Variants in CHRM5 observed in about 807,000 individuals in gnomAD.
The protein encoded by CHRM5 is cholinergic receptor muscarinic 5.
In CHRM5, 18 loss-of-function variants were observed where a neutral mutation model predicts 39.0. The ratio of observed to expected loss-of-function variants is 0.46; its 90% confidence interval spans 0.32 to 0.68. The LOEUF is 0.68. Ranked by LOEUF, CHRM5 falls within the 30% of genes least tolerant of loss-of-function variation. The pLI is 0.04. For missense variants in CHRM5, 515 were observed against 651.1 expected (o/e 0.79, Z 2.28); for synonymous variants, 241 against 246.3 (o/e 0.98, Z 0.20).
intron 1 of CHRM5, chr15:34,038,691 C>T: frequency 9.3e-7 from 1 of 1,079,288 alleles, no homozygotes; most frequent in East Asian, 5.2e-5. Flanking sequence ...GCGCGCCTGG[C>T]ACGCTCTCTT....
rs995422520 is a variant in CHRM5, at chr15:34,028,933, A to T, written c.-407-17607A>T. ...AATTGGGAGAGAAAGTAAGGCAAAA[A>T]GCAGAACACTTACTTGGTTTTGAGA... On this transcript the variant is annotated intron_variant, in intron 1 of 2. Transcript: ENST00000383263. Among the ~76,000 whole-genome samples the T allele has an allele frequency of 8.5e-5, 13 of 152,316 alleles. No homozygotes were observed. In the East Asian group the frequency reaches 2.1e-3, roughly 25 times the overall value.
chr15:34,005,668 C>G (rs989683245), intron 1 of CHRM5, among the ~76,000 whole-genome samples: 3 of 152,156 alleles, frequency 2.0e-5, no homozygotes, highest in East Asian at 1.9e-4. Context: ...CCTCTTTCAT[C>G]GAGGAAATTG....
chr15:34,047,101 G>A (rs1899726947), intron 2 of CHRM5, among the ~76,000 whole-genome samples: 3 of 150,018 alleles, frequency 2.0e-5, no homozygotes, highest in African/African-American at 7.4e-5. Context: ...TTTTGGAGAC[G>A]GAGTCTCGTT....
intron 2 of CHRM5, among the ~76,000 whole-genome samples, chr15:34,051,152 G>A (rs2140826370): frequency 6.6e-6 from 1 of 152,268 alleles, no homozygotes; most frequent in East Asian, 1.9e-4. Flanking sequence ...TAGTCTGTCA[G>A]ACCACAGCGC....
chr15:34,037,759 T>C (rs62017050), intron 1 of CHRM5, among the ~76,000 whole-genome samples: 11 of 152,180 alleles, frequency 7.2e-5, no homozygotes, highest in Admixed American at 2.0e-4. Context: ...ATTTAAGTTT[T>C]ATACTTTTTT....
intron 1 of CHRM5, among the ~76,000 whole-genome samples, chr15:34,018,681 G>A (rs1374280113): frequency 6.6e-6 from 1 of 152,202 alleles, no homozygotes; most frequent in Non-Finnish European, 1.5e-5. Context: ...GACTCCAGTG[G>A]GTTGCTGCTG....
intron 2 of CHRM5, among the ~76,000 whole-genome samples, chr15:34,047,649 T>C (rs1254859094): frequency 6.6e-6 from 1 of 152,196 alleles, no homozygotes; most frequent in African/African-American, 2.4e-5. Context: ...CCATTCTAGC[T>C]TGCGGCTTTG....
chr15:34,057,022 C>T (rs1179461110), intron 2 of CHRM5, among the ~76,000 whole-genome samples: 1 of 152,062 alleles, frequency 6.6e-6, no homozygotes, highest in Non-Finnish European at 1.5e-5. Flanking sequence ...GTTAGCACCA[C>T]AAAGCATCTA....
At chr15:34,037,135 T>G (rs1311048143) in intron 1 of CHRM5, among the ~76,000 whole-genome samples, 1 of 151,210 alleles carries the variant, frequency 6.6e-6, no homozygotes, top group African/African-American at 2.4e-5. Context: ...ATATATACCA[T>G]CATTTCACCC....
chr15:33,975,383 A>C (rs1018808591), intron 1 of CHRM5, among the ~76,000 whole-genome samples: 2 of 152,234 alleles, frequency 1.3e-5, no homozygotes, highest in Non-Finnish European at 2.9e-5. Context: ...CTACTTAGCT[A>C]TGCGGAATGC....
At position 34,047,226 on chromosome 15, in the gene CHRM5, C is replaced by T. The variant is rs1413021504; in HGVS notation, c.-76+355C>T. Reference sequence around the variant, plus strand: ...CCGAGTAGCTGGGACTACAGGCGCCCGCCACCATGCCCTGCTAACTTTTTG... The same window carrying T: ...CCGAGTAGCTGGGACTACAGGCGCCTGCCACCATGCCCTGCTAACTTTTTG... On this transcript the variant is annotated intron_variant, in intron 2 of 2. Transcript: ENST00000383263. Among the ~76,000 whole-genome samples, 6 of 152,124 alleles carry T rather than the reference C, an allele frequency of 3.9e-5. No homozygotes were observed. In the East Asian group the frequency reaches 9.7e-4, roughly 25 times the overall value.
intron 1 of CHRM5, among the ~76,000 whole-genome samples, chr15:33,974,154 C>T (rs1306215449): frequency 6.6e-5 from 10 of 152,130 alleles, no homozygotes; most frequent in Admixed American, 5.9e-4. Flanking sequence ...TCTAGAATTT[C>T]ATCGATAATC....
chr15:33,969,378 ATCTTTG>A (rs1895528823), intron 1 of CHRM5, among the ~76,000 whole-genome samples: 1 of 151,974 alleles, frequency 6.6e-6, no homozygotes, highest in African/African-American at 2.4e-5. Flanking sequence ...AATTTGTCTC[ATCTTTG>A]TCTTTATTTT....
In CHRM5 at chr15:33,992,384, C is replaced by A. The variant is rs567448377; in HGVS notation, c.-408+23234C>A. Reference sequence around the variant, plus strand: ...CAGCCTGCGCGACAGATCAGGACTCCGTCTCAAAAAAAAAGAAAAAAGAAA... The same window carrying A: ...CAGCCTGCGCGACAGATCAGGACTCAGTCTCAAAAAAAAAGAAAAAAGAAA... On this transcript the variant is annotated intron_variant, in intron 1 of 2. Transcript: ENST00000383263. 8.0e-4 allele frequency among the ~76,000 whole-genome samples: 119 copies of A among 148,666 alleles called. 1 individual carries two copies. Among genetic ancestry groups the A allele is most frequent in the African/African-American group, 2.7e-3 (108 of 40,208 alleles).
chr15:34,053,319 A>AAAATATATATATATAT (rs775436850), intron 2 of CHRM5, among the ~76,000 whole-genome samples: 5 of 42,100 alleles, frequency 1.2e-4, no homozygotes, highest in African/African-American at 4.0e-4. Flanking sequence ...AAAAAAAAAA[A>AAAATATATATATATAT]ATATATATAT....
intron 1 of CHRM5, among the ~76,000 whole-genome samples, chr15:34,039,330 C>T (rs989015438): frequency 6.6e-6 from 1 of 151,106 alleles, no homozygotes; most frequent in South Asian, 2.1e-4. Flanking sequence ...ATTCTCAAGG[C>T]ATCAGAGATA....
At chr15:33,984,935 C>A (rs1416878120) in intron 1 of CHRM5, among the ~76,000 whole-genome samples, 1 of 152,092 alleles carries the variant, frequency 6.6e-6, no homozygotes, top group Non-Finnish European at 1.5e-5. Flanking sequence ...GATCTACCCT[C>A]AAGAGATGAA....
chr15:33,972,176 G>A (rs1164092985), intron 1 of CHRM5: 2 of 151,968 alleles, frequency 1.3e-5, no homozygotes, highest in African/African-American at 2.4e-5. Context: ...ACATCATGTT[G>A]GTTAAATTCA....
At chr15:34,006,685 A>G (rs1897359235) in intron 1 of CHRM5, among the ~76,000 whole-genome samples, 1 of 152,228 alleles carries the variant, frequency 6.6e-6, no homozygotes, top group Non-Finnish European at 1.5e-5. Flanking sequence ...ATAACTCACC[A>G]GTCCCCAAAT....
Sources: gnomAD v4.1 joint callset for allele counts (sites outside exome capture counted in the v4.1 genomes callset) on GRCh38, gnomAD v4.1.1 for gene constraint, MANE v1.5 for transcripts, NCBI Gene and HGNC (gene_info 2026-07-23, HGNC 2026-07-21) for gene names.